ADAMTS14: variants seen among roughly 807,000 people sequenced by gnomAD.
The protein encoded by ADAMTS14 is ADAM metallopeptidase with thrombospondin type 1 motif 14, also known as A disintegrin and metalloproteinase with thrombospondin motifs 14.
A neutral mutation model predicts 128.6 loss-of-function variants in ADAMTS14; 100 were observed. The ratio of observed to expected loss-of-function variants is 0.78; its 90% CI spans 0.66 to 0.92. The LOEUF is 0.92. Ranked by LOEUF, ADAMTS14 falls within the 40% of genes least tolerant of loss-of-function variation. ADAMTS14 has a pLI of 0.00. For synonymous variants in ADAMTS14, 665 were observed against 653.8 expected (o/e 1.02, Z -0.26); for missense variants, 1,562 against 1,658.6 (o/e 0.94, Z 1.01).
chr10:70,729,998 C>T (rs1180467535), intron 5 of ADAMTS14, 104 bp from the exon 6 acceptor site: 11 of 1,406,686 alleles, frequency 7.8e-6, no homozygotes, highest in Middle Eastern at 2.7e-4. Context: ...TCCTGCAGTC[C>T]TCTGGGCCTT....
chr10:70,696,142 G>A (rs777604306), intron 2 of ADAMTS14, among the ~76,000 whole-genome samples: 1 of 152,188 alleles, frequency 6.6e-6, no homozygotes, highest in Non-Finnish European at 1.5e-5. Flanking sequence ...GTGCTTGGAT[G>A]CAGATAGGAA....
At chr10:70,729,229 T>G in intron 4 of ADAMTS14, 65 bp from the exon 5 acceptor site, 1 of 1,396,446 alleles carries the variant, frequency 7.2e-7, no homozygotes, top group South Asian at 1.2e-5. Context: ...CCTACCCCAG[T>G]ACCTGGCATG....
In ADAMTS14 at chr10:70,730,147, C is replaced by A. The variant is rs1367833419; in HGVS notation, c.1000C>A (p.Gln334Lys). Residue 334 changes from glutamine (Q) to lysine (K), a missense_variant, in exon 6 of 22, where the codon CAG becomes AAG. Gln to Lys is a moderately conservative substitution (Grantham distance 53). Coordinates refer to ENST00000373207, the MANE Select transcript of ADAMTS14 (RefSeq NM_080722.4). Reference protein sequence around the residue: ...ERGNPSRSLEQVCRWAHSQQR... With the variant: ...ERGNPSRSLEKVCRWAHSQQR... Reference sequence around the variant, plus strand: ...CGGGAACCCCTCACGCAGCCTGGAGCAGGTGTGTCGCTGGGCACACTCCCA... The same window carrying A: ...CGGGAACCCCTCACGCAGCCTGGAGAAGGTGTGTCGCTGGGCACACTCCCA... 1 of 1,612,414 alleles carries A rather than the reference C, an allele frequency of 6.2e-7. No individual in the cohort carries two copies. Among genetic ancestry groups the A allele is most frequent in the Non-Finnish European group, 8.5e-7 (1 of 1,179,958 alleles).
At chr10:70,757,094 A>G (rs1469675178) in intron 19 of ADAMTS14, among the ~76,000 whole-genome samples, 1 of 152,048 alleles carries the variant, frequency 6.6e-6, no homozygotes, top group Non-Finnish European at 1.5e-5. Context: ...CCAGCTAGAT[A>G]AGGCTGTGGT....
chr10:70,698,865 G>A (rs931202492), intron 2 of ADAMTS14, among the ~76,000 whole-genome samples: 2 of 152,110 alleles, frequency 1.3e-5, no homozygotes, highest in South Asian at 2.1e-4. Flanking sequence ...AGGGTCCTGC[G>A]GGTTCCCATT....
At chr10:70,709,372 A>G (rs775867276) in intron 4 of ADAMTS14, among the ~76,000 whole-genome samples, 1 of 152,154 alleles carries the variant, frequency 6.6e-6, no homozygotes, top group Non-Finnish European at 1.5e-5. Context: ...CTGCAGAGAT[A>G]CAGGACTCTC....
At chr10:70,743,367 C>T (rs1040751467) in intron 12 of ADAMTS14, among the ~76,000 whole-genome samples, 181 bp from the exon 13 acceptor site, 3 of 152,136 alleles carry the variant, frequency 2.0e-5, no homozygotes, top group African/African-American at 7.2e-5. Flanking sequence ...AGAGCATTTA[C>T]CCAAGGTCAC....
intron 2 of ADAMTS14, 112 bp from the exon 3 acceptor site, chr10:70,702,200 T>TGCAA: frequency 2.0e-6 from 3 of 1,473,934 alleles, no homozygotes. Context: ...AGGAAGAGCC[T>TGCAA]GCAAGCATGT....
At chr10:70,679,937 A>G (rs1035990007) in intron 2 of ADAMTS14, among the ~76,000 whole-genome samples, 2 of 152,016 alleles carry the variant, frequency 1.3e-5, no homozygotes, top group East Asian at 1.9e-4. Flanking sequence ...ATGGGACTAC[A>G]GTGTGGGGTG....
At chr10:70,707,950 A>G (rs1345449718) in intron 3 of ADAMTS14, among the ~76,000 whole-genome samples, 3 of 152,228 alleles carry the variant, frequency 2.0e-5, no homozygotes, top group Non-Finnish European at 2.9e-5. Context: ...CCAGAGCCTA[A>G]AATATTTATC....
chr10:70,692,469 C>A (rs1840220587), intron 2 of ADAMTS14, among the ~76,000 whole-genome samples: 1 of 152,206 alleles, frequency 6.6e-6, no homozygotes, highest in Non-Finnish European at 1.5e-5. Context: ...AGCGAAGCCT[C>A]TACACTACTT....
intron 4 of ADAMTS14, among the ~76,000 whole-genome samples, chr10:70,717,393 G>T (rs538121206): frequency 9.8e-5 from 15 of 152,288 alleles, no homozygotes; most frequent in African/African-American, 3.4e-4. Context: ...GCACAGCAAG[G>T]TTGTGGGGGT....
chr10:70,706,870 G>A (rs994474347), intron 3 of ADAMTS14, among the ~76,000 whole-genome samples: 8 of 152,210 alleles, frequency 5.3e-5, no homozygotes, highest in African/African-American at 9.7e-5. Context: ...GCGTAGAGGC[G>A]GCTCGGGTCT....
chr10:70,694,573 A>G (rs1840280858), intron 2 of ADAMTS14, among the ~76,000 whole-genome samples: 1 of 152,140 alleles, frequency 6.6e-6, no homozygotes. Flanking sequence ...TCTACTTTCT[A>G]TCTCTGTGGA....
At chr10:70,694,183 C>T (rs996847703) in intron 2 of ADAMTS14, among the ~76,000 whole-genome samples, 5 of 152,224 alleles carry the variant, frequency 3.3e-5, no homozygotes, top group Admixed American at 2.6e-4. Context: ...CGCTGACTCC[C>T]GCTTCCGTGG....
Position 70,741,017 on chromosome 10 carries a change from G to A in ADAMTS14, c.1779G>A (p.Gly593=), listed in dbSNP as rs375361519. 1.2e-6 allele frequency: 2 copies of A among 1,614,108 alleles called. No homozygotes were observed. Among genetic ancestry groups the A allele is most frequent in the Admixed American group, 3.3e-5 (2 of 60,026 alleles). ...CCTATGGAGGCCGCCTGTGCTTAGG[G>A]CCCATGTTCGAGTACCAGGTCTGCA... ...SPAYGGRLCL[G]PMFEYQVCNS... Residue 593 remains glycine (G), a synonymous_variant, in exon 12 of 22, where the codon GGG becomes GGA. Transcript: ENST00000373207.
chr10:70,704,514 C>G (rs980840619), intron 3 of ADAMTS14, among the ~76,000 whole-genome samples: 2 of 151,870 alleles, frequency 1.3e-5, no homozygotes, highest in Non-Finnish European at 2.9e-5. Context: ...CTCACAAACA[C>G]ACACCCATAC....
chr10:70,709,495 G>GTTTTTTTTTTTTTTTTTTTTTTTTTTTT (rs746940189), intron 4 of ADAMTS14, among the ~76,000 whole-genome samples: 3 of 101,840 alleles, frequency 2.9e-5, no homozygotes, highest in Non-Finnish European at 5.3e-5. Context: ...AACATTTCCA[G>GTTTTTTTTTTTTTTTTTTTTTTTTTTTT]TTTTTTTTTT....
At position 70,723,453 on chromosome 10, in the gene ADAMTS14, G is replaced by A. The variant is rs564462134; in HGVS notation, c.871-5841G>A. On this transcript the variant is annotated intron_variant, in intron 4 of 21. Coordinates refer to ENST00000373207, the MANE Select transcript of ADAMTS14 (RefSeq NM_080722.4). The stretch of plus-strand genomic sequence containing the variant: ...CAACCATACCATAGTAATGGAAGAT[G>A]TTAACATTTGGAATAAACTGGGTAT... Among the ~76,000 whole-genome samples the A allele has an allele frequency of 4.6e-5, 7 of 152,338 alleles. 1 individual carries two copies. The East Asian group carries it at 1.2e-3, about 25-fold the overall frequency.
Sources: allele counts gnomAD v4.1 joint callset (sites outside exome capture counted in the v4.1 genomes callset), GRCh38; gene constraint gnomAD v4.1.1; transcripts MANE v1.5; gene names NCBI Gene and HGNC (gene_info 2026-07-23, HGNC 2026-07-21).